Variants in HMBOX1 observed in about 807,000 individuals in gnomAD.
The protein encoded by HMBOX1 is homeobox-containing protein 1.
In HMBOX1, 14 loss-of-function variants were observed where a neutral mutation model predicts 54.5. The observed-to-expected ratio is 0.26, with a 90% CI of 0.17 to 0.40. HMBOX1 has a LOEUF of 0.40. Ranked by LOEUF, HMBOX1 falls within the 10% of genes least tolerant of loss-of-function variation. The probability of loss-of-function intolerance (pLI) is 1.00; values close to 1 mark genes in which losing one functional copy is unlikely to be tolerated. For missense variants in HMBOX1, 332 were observed against 514.4 expected (o/e 0.65, Z 3.43); for synonymous variants, 160 against 181.0 (o/e 0.88, Z 0.93).
chr8:29,003,555 A>AATATATATACAT (rs1832976152), intron 4 of HMBOX1, among the ~76,000 whole-genome samples: 1 of 71,312 alleles, frequency 1.4e-5, no homozygotes, highest in African/African-American at 5.2e-5. Flanking sequence ...TTCTGTATTA[A>AATATATATACAT]ATATATATAT....
At chr8:28,965,472 C>T (rs1826276875) in intron 2 of HMBOX1, among the ~76,000 whole-genome samples, 1 of 152,186 alleles carries the variant, frequency 6.6e-6, no homozygotes, top group South Asian at 2.1e-4. Flanking sequence ...GGTACATTAA[C>T]CACATTATGA....
intron 5 of HMBOX1, among the ~76,000 whole-genome samples, chr8:29,013,628 A>G (rs1333441976): frequency 1.3e-5 from 2 of 152,238 alleles, no homozygotes; most frequent in Admixed American, 6.5e-5. Context: ...AGCATAAATG[A>G]AAGCCTGCCA....
intron 1 of HMBOX1, among the ~76,000 whole-genome samples, chr8:28,948,220 G>T (rs1023860885): frequency 2.0e-5 from 3 of 151,952 alleles, no homozygotes; most frequent in South Asian, 2.1e-4. Flanking sequence ...TTTCTCCATT[G>T]TACTTATCAT....
chr8:29,004,474 GA>G (rs34587488), intron 4 of HMBOX1, among the ~76,000 whole-genome samples: 2 of 152,212 alleles, frequency 1.3e-5, no homozygotes, highest in African/African-American at 4.8e-5. Context: ...ACTCTGACAA[GA>G]AAGGATTATG....
At chr8:28,956,600 C>T (rs1042767900) in intron 1 of HMBOX1, among the ~76,000 whole-genome samples, 6 of 151,878 alleles carry the variant, frequency 4.0e-5, no homozygotes, top group African/African-American at 1.5e-4. Context: ...AAAATGTAAC[C>T]TTTGATAGCA....
intron 5 of HMBOX1, among the ~76,000 whole-genome samples, chr8:29,013,737 AAGTG>A (rs1210907993): frequency 2.0e-5 from 3 of 152,220 alleles, no homozygotes; most frequent in Non-Finnish European, 4.4e-5. Flanking sequence ...TTTTAAAAAA[AAGTG>A]AGTGCTAAAT....
At chr8:29,029,469 A>C (rs553442992) in intron 6 of HMBOX1, among the ~76,000 whole-genome samples, 1 of 152,358 alleles carries the variant, frequency 6.6e-6, no homozygotes, top group South Asian at 2.1e-4. Flanking sequence ...AAAAAAATAT[A>C]AATTGCATCT....
intron 1 of HMBOX1, among the ~76,000 whole-genome samples, chr8:28,904,839 C>A (rs940478299): frequency 6.6e-6 from 1 of 152,080 alleles, no homozygotes; most frequent in Non-Finnish European, 1.5e-5. Flanking sequence ...CCACGCCCAA[C>A]TAATTTTTTG....
chr8:29,004,854 C>A (rs1157389292), intron 4 of HMBOX1, among the ~76,000 whole-genome samples: 3 of 152,084 alleles, frequency 2.0e-5, no homozygotes, highest in East Asian at 3.9e-4. Flanking sequence ...GCTTATGAGA[C>A]CGTGTTCAGC....
At chr8:28,930,734 CT>C (rs1172380078) in intron 1 of HMBOX1, among the ~76,000 whole-genome samples, 2 of 152,126 alleles carry the variant, frequency 1.3e-5, no homozygotes, top group Non-Finnish European at 2.9e-5. Context: ...CTCCTATATC[CT>C]TTTTGAAATC....
intron 1 of HMBOX1, among the ~76,000 whole-genome samples, chr8:28,956,694 A>G (rs572118810): frequency 1.8e-4 from 28 of 152,302 alleles, no homozygotes; most frequent in East Asian, 1.2e-3. Flanking sequence ...TGCCAGTGCC[A>G]TATTGATTTC....
intron 4 of HMBOX1, among the ~76,000 whole-genome samples, chr8:28,993,836 G>GA (rs1831356237): frequency 2.0e-5 from 3 of 151,946 alleles, no homozygotes; most frequent in Admixed American, 6.6e-5. Flanking sequence ...TTATCTGCAA[G>GA]AAAAAAATAC....
chr8:29,028,635 C>T (rs1802439450), intron 6 of HMBOX1, among the ~76,000 whole-genome samples: 1 of 152,176 alleles, frequency 6.6e-6, no homozygotes, highest in South Asian at 2.1e-4. Flanking sequence ...CAGACAACTG[C>T]AGTGCAACTT....
intron 6 of HMBOX1, among the ~76,000 whole-genome samples, chr8:29,030,981 G>T (rs1049334812): frequency 6.6e-6 from 1 of 152,096 alleles, no homozygotes; most frequent in Admixed American, 6.5e-5. Flanking sequence ...TATCAGTCTA[G>T]GTAGTTAGAA....
At chr8:28,946,426 C>T (rs1161286488) in intron 1 of HMBOX1, among the ~76,000 whole-genome samples, 1 of 151,794 alleles carries the variant, frequency 6.6e-6, no homozygotes, top group East Asian at 2.0e-4. Flanking sequence ...AAATATTAGC[C>T]TGGCATGGTG....
chr8:29,043,528 CT>C (rs1234297285), intron 6 of HMBOX1, among the ~76,000 whole-genome samples: 1 of 152,260 alleles, frequency 6.6e-6, no homozygotes, highest in Non-Finnish European at 1.5e-5. Flanking sequence ...TATCATCTTT[CT>C]TTACCCACAG....
chr8:29,047,559 C>T (rs1480412677), intron 8 of HMBOX1, 106 bp downstream of exon 8: 15 of 488,252 alleles, frequency 3.1e-5, no homozygotes, highest in South Asian at 1.4e-4. Context: ...AGGATCCTAA[C>T]TTCTCTTTTT....
At position 29,051,154 on chromosome 8, in the gene HMBOX1, G is replaced by C; in HGVS notation, c.1262G>C (p.Ter421SerextTer9). ...AAGACAGAGGCCCTGGATGATGACT[G>C]ATCAGGGAGGTTAAACATGACAAGT... Reference protein sequence around the residue: ...EIKTEALDDD* With the variant: ...EIKTEALDDDS The change falls in exon 10 of 10, where the codon TGA (stop) becomes TCA (serine). Residue 421 changes from the stop codon to serine, a stop_lost. Transcript: ENST00000287701. 6.2e-7 allele frequency: 1 copy of C among 1,613,520 alleles called. No homozygotes were observed. The highest frequency in any genetic ancestry group is 8.5e-7 in the Non-Finnish European group (1 of 1,179,850).
intron 4 of HMBOX1, among the ~76,000 whole-genome samples, chr8:28,985,429 A>T (rs1265938477): frequency 6.6e-6 from 1 of 152,224 alleles, no homozygotes; most frequent in Non-Finnish European, 1.5e-5. Flanking sequence ...CAATTTCAAC[A>T]TAGGAATTTT....
Sources: allele counts gnomAD v4.1 joint callset (sites outside exome capture counted in the v4.1 genomes callset), GRCh38; gene constraint gnomAD v4.1.1; transcripts MANE v1.5; gene names NCBI Gene and HGNC (gene_info 2026-07-23, HGNC 2026-07-21).